PTBP2: variants seen among roughly 807,000 people sequenced by gnomAD.
PTBP2 encodes the protein polypyrimidine tract binding protein 2.
PTBP2 carries 13 observed loss-of-function variants against 61.4 expected under a neutral mutation model. The observed-to-expected ratio is 0.21, with a 90% confidence interval of 0.14 to 0.34. The LOEUF (loss-of-function observed/expected upper bound fraction) is 0.34. PTBP2 is among the 10% of genes least tolerant of loss of function. The pLI is 1.00. For missense variants in PTBP2, 405 were observed against 642.6 expected (o/e 0.63, Z 4.00); for synonymous variants, 215 against 218.5 (o/e 0.98, Z 0.14).
intron 2 of PTBP2, among the ~76,000 whole-genome samples, chr1:96,732,512 CTTAATAT>C (rs1651563725): frequency 6.6e-6 from 1 of 152,110 alleles, no homozygotes; most frequent in Admixed American, 6.6e-5. Flanking sequence ...TACATATACA[CTTAATAT>C]TTAATAACTC....
chr1:96,765,606 G>A (rs1656590965), intron 3 of PTBP2, among the ~76,000 whole-genome samples: 1 of 152,068 alleles, frequency 6.6e-6, no homozygotes, highest in Non-Finnish European at 1.5e-5. Flanking sequence ...AGCTACATGG[G>A]AGGCTGTGGC....
At chr1:96,755,690 A>G (rs545991691) in intron 3 of PTBP2, among the ~76,000 whole-genome samples, 24 of 152,378 alleles carry the variant, frequency 1.6e-4, no homozygotes, top group African/African-American at 5.8e-4. Context: ...AACAGCAAGA[A>G]TGAATCTCCA....
intron 3 of PTBP2, among the ~76,000 whole-genome samples, chr1:96,755,803 A>G (rs984987270): frequency 5.3e-5 from 8 of 152,200 alleles, no homozygotes; most frequent in African/African-American, 4.8e-5. Flanking sequence ...AAGCAAATTC[A>G]TGGTTCTTAG....
At chr1:96,756,283 C>T (rs1655150478) in intron 3 of PTBP2, among the ~76,000 whole-genome samples, 1 of 152,176 alleles carries the variant, frequency 6.6e-6, no homozygotes, top group East Asian at 1.9e-4. Context: ...CCTGTAATCC[C>T]AGCCACTCAG....
chr1:96,785,342 C>A, intron 8 of PTBP2, 88 bp downstream of exon 8: 1 of 1,066,398 alleles, frequency 9.4e-7, no homozygotes, highest in Non-Finnish European at 1.3e-6. Flanking sequence ...CCATTTTGGA[C>A]CTTACCAAAT....
At chr1:96,759,677 T>C (rs1308606172) in intron 3 of PTBP2, among the ~76,000 whole-genome samples, 1 of 152,084 alleles carries the variant, frequency 6.6e-6, no homozygotes, top group East Asian at 1.9e-4. Context: ...TAAACTTGAC[T>C]CCATCAAAAT....
intron 2 of PTBP2, among the ~76,000 whole-genome samples, chr1:96,746,151 G>A (rs1653734627): frequency 6.6e-6 from 1 of 151,964 alleles, no homozygotes; most frequent in Non-Finnish European, 1.5e-5. Context: ...CTTGTTTCCT[G>A]GTGCATTTAT....
chr1:96,755,917 G>A (rs1197742893), intron 3 of PTBP2, among the ~76,000 whole-genome samples: 3 of 152,158 alleles, frequency 2.0e-5, no homozygotes, highest in African/African-American at 7.2e-5. Context: ...TTTTATGGAT[G>A]TATGCATATG....
chr1:96,801,719 G>A (rs1346152442), intron 8 of PTBP2, among the ~76,000 whole-genome samples: 1 of 151,794 alleles, frequency 6.6e-6, no homozygotes, highest in Non-Finnish European at 1.5e-5. Context: ...AAATTAGCCA[G>A]GCATGGTAGT....
chr1:96,769,838 A>G lies in PTBP2; in HGVS notation c.251A>G (p.Lys84Arg). Reference sequence around the variant, plus strand: ...ATTGCTTTAGGCTTACCTTTTGGTAAGGTGACCAACATCCTTATGCTGAAA... The same window carrying G: ...ATTGCTTTAGGCTTACCTTTTGGTAGGGTGACCAACATCCTTATGCTGAAA... Reference protein sequence around the residue: ...EVIALGLPFGKVTNILMLKGK... With the variant: ...EVIALGLPFGRVTNILMLKGK... The change falls in exon 4 of 14, where the codon AAG becomes AGG. Residue 84 changes from lysine to arginine, a missense_variant. Coordinates refer to ENST00000674951, the MANE Select transcript of PTBP2 (RefSeq NM_021190.4). 4 of 1,606,526 alleles carry G rather than the reference A, an allele frequency of 2.5e-6. No homozygotes were observed. Among genetic ancestry groups the G allele is most frequent in the Non-Finnish European group, 3.4e-6 (4 of 1,176,726 alleles).
chr1:96,788,398 G>A (rs563595918), intron 8 of PTBP2, among the ~76,000 whole-genome samples: 13 of 152,068 alleles, frequency 8.5e-5, no homozygotes, highest in Admixed American at 5.2e-4. Context: ...TTCTTCATAC[G>A]TTTGGTGAAT....
At chr1:96,742,244 TTTTCCCTAAGAGACATGCTTAA>T (rs1388174253) in intron 2 of PTBP2, among the ~76,000 whole-genome samples, 1 of 152,176 alleles carries the variant, frequency 6.6e-6, no homozygotes, top group Non-Finnish European at 1.5e-5. Flanking sequence ...CTTCATGGTA[TTTTCCCTAAGAGACATGCTTAA>T]TGCAGAAAAT....
At chr1:96,802,211 G>GGGA (rs371361869) in intron 8 of PTBP2, among the ~76,000 whole-genome samples, 103 of 54,036 alleles carry the variant, frequency 1.9e-3, no homozygotes, top group African/African-American at 8.1e-3. Flanking sequence ...ACTCCGTCTC[G>GGGA]AAAAAAAAAA....
rs75246684 is a variant in PTBP2 at position 96,767,327 on chromosome 1, A to G, written c.116-2376A>G. 6.7e-3 allele frequency among the ~76,000 whole-genome samples: 1,018 copies of G among 152,190 alleles called. 16 individuals carry two copies. Among genetic ancestry groups the G allele is most frequent in the African/African-American group, 0.023 (974 of 41,556 alleles). Reference sequence around the variant, plus strand: ...TTTTGGAAAATCATTTGAAAGGGGAAGCCTTTTTTCTCCTTATGGGTACAG... The same window carrying G: ...TTTTGGAAAATCATTTGAAAGGGGAGGCCTTTTTTCTCCTTATGGGTACAG... On this transcript the variant is annotated intron_variant, in intron 3 of 13. Coordinates refer to ENST00000674951, the MANE Select transcript of PTBP2 (RefSeq NM_021190.4).
At chr1:96,741,065 A>G (rs1055650493) in intron 2 of PTBP2, among the ~76,000 whole-genome samples, 3 of 151,890 alleles carry the variant, frequency 2.0e-5, no homozygotes, top group African/African-American at 7.3e-5. Flanking sequence ...TTGTTTCTAT[A>G]CATTCTTTGA....
At chr1:96,776,551 T>C (rs184643415) in intron 5 of PTBP2, among the ~76,000 whole-genome samples, 1 of 152,152 alleles carries the variant, frequency 6.6e-6, no homozygotes, top group East Asian at 1.9e-4. Context: ...CTGAGTGTCC[T>C]AATTCTTTTG....
chr1:96,746,266 C>T (rs1315317127), intron 2 of PTBP2, among the ~76,000 whole-genome samples: 1 of 151,794 alleles, frequency 6.6e-6, no homozygotes, highest in Non-Finnish European at 1.5e-5. Context: ...TGTATTGTTC[C>T]TATTTATGTT....
chr1:96,769,881 C>G lies in PTBP2; in HGVS notation c.288+6C>G. 1 of 1,578,312 alleles carries G rather than the reference C, an allele frequency of 6.3e-7. No individual in the cohort carries two copies. ...TGCTGAAAGGAAAAAATCAGGTACA[C>G]TTCTTTCAGGGTTTATGAAATGTTA... On this transcript the variant is annotated splice_donor_region_variant and intron_variant, in intron 4 of 13. Coordinates refer to ENST00000674951, the MANE Select transcript of PTBP2 (RefSeq NM_021190.4).
At chr1:96,741,066 C>T (rs887652031) in intron 2 of PTBP2, among the ~76,000 whole-genome samples, 1 of 151,358 alleles carries the variant, frequency 6.6e-6, no homozygotes, top group Non-Finnish European at 1.5e-5. Flanking sequence ...TGTTTCTATA[C>T]ATTCTTTGAA....
Sources: allele counts gnomAD v4.1 joint callset (sites outside exome capture counted in the v4.1 genomes callset), GRCh38; gene constraint gnomAD v4.1.1; transcripts MANE v1.5; gene names NCBI Gene and HGNC (gene_info 2026-07-23, HGNC 2026-07-21).